ASTN1: variants seen among roughly 807,000 people sequenced by gnomAD.
The protein encoded by ASTN1 is astrotactin 1.
In ASTN1, 41 loss-of-function variants were observed where a neutral mutation model predicts 140.7. The ratio of observed to expected loss-of-function variants is 0.29; its 90% confidence interval spans 0.23 to 0.38. The LOEUF (loss-of-function observed/expected upper bound fraction) is 0.38, where lower values mean the gene tolerates loss of function less well. Ranked by LOEUF, ASTN1 falls within the 10% of genes least tolerant of loss-of-function variation. The pLI is 1.00. For synonymous variants in ASTN1, 640 were observed against 652.2 expected, an observed-to-expected ratio of 0.98 and a Z score of 0.29; for missense variants, 1,479 against 1,678.8, an observed-to-expected ratio of 0.88 and a Z score of 2.08.
At chr1:176,982,299 T>A (rs1673654118) in intron 8 of ASTN1, among the ~76,000 whole-genome samples, 1 of 152,136 alleles carries the variant, frequency 6.6e-6, no homozygotes, top group Non-Finnish European at 1.5e-5. Context: ...TGGGAAGTAA[T>A]GAGGGCTATG....
chr1:177,042,996 A>C lies in ASTN1; in HGVS notation c.472-10147T>G, dbSNP rs572838581. Reference sequence around the variant, plus strand: ...TTAAGCTTGATCATTGGATTGGCCAAATACAACATTTTAAACAATAATTTA... The same window carrying C: ...TTAAGCTTGATCATTGGATTGGCCACATACAACATTTTAAACAATAATTTA... On this transcript the variant is annotated intron_variant, in intron 2 of 22. Coordinates refer to ENST00000361833, the MANE Select transcript of ASTN1 (RefSeq NM_004319.3). Among the ~76,000 whole-genome samples the C allele has an allele frequency of 2.0e-5, 3 of 152,372 alleles. No homozygotes were observed. The South Asian group carries it at 6.2e-4, about 32-fold the overall frequency.
intron 2 of ASTN1, among the ~76,000 whole-genome samples, chr1:177,036,420 A>G (rs940881214): frequency 2.0e-5 from 3 of 152,098 alleles, no homozygotes; most frequent in Admixed American, 2.0e-4. Context: ...CAAGCATTTG[A>G]AAAAGGATTC....
At chr1:176,965,089 G>A (rs1330617832) in intron 9 of ASTN1, 74 bp downstream of exon 9, 12 of 1,423,344 alleles carry the variant, frequency 8.4e-6, no homozygotes, top group Non-Finnish European at 8.9e-6. Flanking sequence ...TTACCAACTA[G>A]GAAAGTCAGT....
At chr1:176,979,144 C>T (rs1194680333) in intron 8 of ASTN1, among the ~76,000 whole-genome samples, 2 of 152,160 alleles carry the variant, frequency 1.3e-5, no homozygotes, top group Admixed American at 1.3e-4. Flanking sequence ...AAGGGTTAAG[C>T]CCTGGGCTAT....
intron 15 of ASTN1, among the ~76,000 whole-genome samples, chr1:176,934,923 A>C (rs1342781912): frequency 6.6e-6 from 1 of 152,218 alleles, no homozygotes; most frequent in Admixed American, 6.5e-5. Context: ...TGACAGAAGA[A>C]AGGAAAGAAA....
chr1:177,025,285 T>G (rs1246277207), intron 5 of ASTN1, among the ~76,000 whole-genome samples: 1 of 152,170 alleles, frequency 6.6e-6, no homozygotes, highest in Non-Finnish European at 1.5e-5. Context: ...ATGTCTGCTC[T>G]GTATGAGCAG....
chr1:177,080,796 C>T (rs1679141443), intron 1 of ASTN1, among the ~76,000 whole-genome samples: 1 of 152,136 alleles, frequency 6.6e-6, no homozygotes, highest in African/African-American at 2.4e-5. Flanking sequence ...AGACTCCCAA[C>T]TCTGACATTT....
chr1:176,970,200 G>C (rs1673078407), intron 8 of ASTN1, among the ~76,000 whole-genome samples: 1 of 152,120 alleles, frequency 6.6e-6, no homozygotes, highest in South Asian at 2.1e-4. Context: ...TTTTCCCTTA[G>C]TCTAGGTGAT....
At chr1:176,982,992 T>G (rs1362765663) in intron 8 of ASTN1, among the ~76,000 whole-genome samples, 1 of 152,032 alleles carries the variant, frequency 6.6e-6, no homozygotes, top group Non-Finnish European at 1.5e-5. Context: ...TGAGGGGGGA[T>G]TTGCAAAAGG....
chr1:176,880,748 A>G (rs1668760669), intron 20 of ASTN1, among the ~76,000 whole-genome samples: 1 of 152,206 alleles, frequency 6.6e-6, no homozygotes, highest in Non-Finnish European at 1.5e-5. Context: ...TCATGCTCTG[A>G]GATTCTCACA....
intron 20 of ASTN1, among the ~76,000 whole-genome samples, 164 bp downstream of exon 20, chr1:176,882,695 C>CT (rs1259001310): frequency 2.0e-5 from 3 of 152,146 alleles, no homozygotes; most frequent in African/African-American, 7.2e-5. Flanking sequence ...ATTCCAGTGT[C>CT]TAAGTACTCG....
At position 177,032,563 on chromosome 1, in the gene ASTN1, A is replaced by G. The variant is rs1256656070; in HGVS notation, c.758T>C (p.Leu253Pro). ...EYDITDLRHH[L>P]QRECMNGGED... ...CCCTCCGTTCATGCACTCCCTCTGC[A>G]GATGGTGGCGCAGATCAGTGATGTC... The change falls in exon 3 of 23, where the codon CTG becomes CCG. Residue 253 changes from leucine to proline, a missense_variant. Leu to Pro is a moderately conservative substitution (Grantham distance 98). Around this residue, in one of 3 missense-constraint regions of ASTN1, gnomAD observed 729 missense variants for 860.4 expected, o/e 0.85. Transcript: ENST00000361833. 1 of 1,614,084 alleles carries G rather than the reference A, an allele frequency of 6.2e-7. No homozygotes were observed. The highest frequency in any genetic ancestry group is 8.5e-7 in the Non-Finnish European group (1 of 1,180,032).
intron 1 of ASTN1, among the ~76,000 whole-genome samples, chr1:177,128,082 T>G (rs536342974): frequency 6.6e-6 from 1 of 152,286 alleles, no homozygotes; most frequent in Admixed American, 6.5e-5. Context: ...TTTTCTTAAT[T>G]ACAACCCTGT....
At chr1:177,157,055 G>A (rs1477918982) in intron 1 of ASTN1, among the ~76,000 whole-genome samples, 1 of 152,172 alleles carries the variant, frequency 6.6e-6, no homozygotes, top group Non-Finnish European at 1.5e-5. Context: ...TGATGACTAA[G>A]TGTACTGTGG....
intron 1 of ASTN1, among the ~76,000 whole-genome samples, chr1:177,128,998 G>A (rs991549238): frequency 4.6e-5 from 7 of 152,228 alleles, no homozygotes; most frequent in Admixed American, 2.0e-4. Flanking sequence ...CGAGCTCCAA[G>A]AAAGGATGGT....
At chr1:177,104,530 T>A (rs563416969) in intron 1 of ASTN1, among the ~76,000 whole-genome samples, 38 of 152,330 alleles carry the variant, frequency 2.5e-4, no homozygotes, top group African/African-American at 8.7e-4. Context: ...GATAGAGTAG[T>A]GTATAATATC....
At chr1:177,134,098 C>A (rs1682063247) in intron 1 of ASTN1, among the ~76,000 whole-genome samples, 1 of 152,188 alleles carries the variant, frequency 6.6e-6, no homozygotes, top group South Asian at 2.1e-4. Flanking sequence ...ATCCATTGTG[C>A]TAACATCTAC....
At chr1:177,143,947 A>G (rs1480534419) in intron 1 of ASTN1, among the ~76,000 whole-genome samples, 3 of 152,142 alleles carry the variant, frequency 2.0e-5, no homozygotes, top group Non-Finnish European at 4.4e-5. Context: ...CAACTTTTAC[A>G]TAAGCCTAAT....
intron 1 of ASTN1, among the ~76,000 whole-genome samples, chr1:177,105,435 A>G (rs1389979543): frequency 6.6e-6 from 1 of 152,108 alleles, no homozygotes; most frequent in African/African-American, 2.4e-5. Context: ...GAAACACTAA[A>G]GAATCATGGC....
Sources: gnomAD v4.1 joint callset for allele counts (sites outside exome capture counted in the v4.1 genomes callset) on GRCh38, gnomAD v4.1.1 for gene constraint, gnomAD v4.1.1 regional missense constraint, MANE v1.5 for transcripts, NCBI Gene and HGNC (gene_info 2026-07-23, HGNC 2026-07-21) for gene names.